The following CABLES1 variants were observed in gnomAD, a reference collection of about 807,000 sequenced individuals.
CABLES1 encodes the protein Cdk5 and Abl enzyme substrate 1.
Under a neutral mutation model 57.8 loss-of-function variants are expected in CABLES1, and 36 were observed. That is an observed-to-expected ratio of 0.62 (90% confidence interval 0.48 to 0.82). CABLES1 has a LOEUF of 0.82. Ranked by LOEUF, CABLES1 falls within the 40% of genes least tolerant of loss-of-function variation. The probability of loss-of-function intolerance (pLI) is 0.00; values close to 1 mark genes in which losing one functional copy is unlikely to be tolerated. For missense variants in CABLES1, 767 were observed against 836.6 expected, an observed-to-expected ratio of 0.92 and a Z score of 1.03; for synonymous variants, 374 against 363.0, an observed-to-expected ratio of 1.03 and a Z score of -0.35.
rs574709696 is a variant in CABLES1, at chr18:23,217,365, A to G, written c.1088+3311A>G. On this transcript the variant is annotated intron_variant, in intron 4 of 9. Coordinates refer to ENST00000256925, the MANE Select transcript of CABLES1 (RefSeq NM_001100619.3). Reference sequence around the variant, plus strand: ...CCTAAAGTGTTGGGATTACAGGTGTAAGCCACTGTACCCAGCTAGAAGAGG... The same window carrying G: ...CCTAAAGTGTTGGGATTACAGGTGTGAGCCACTGTACCCAGCTAGAAGAGG... 2.0e-5 allele frequency among the ~76,000 whole-genome samples: 3 copies of G among 152,268 alleles called. No homozygotes were observed. In the East Asian group the frequency reaches 5.8e-4, roughly 29 times the overall value.
intron 1 of CABLES1, among the ~76,000 whole-genome samples, chr18:23,153,937 A>G (rs2046949183): frequency 6.6e-6 from 1 of 152,130 alleles, no homozygotes; most frequent in African/African-American, 2.4e-5. Context: ...ACGCGGAAGC[A>G]CAAGAATTGC....
Position 23,257,449 on chromosome 18 carries a change from GTAGAAC to G in CABLES1, c.*84_*89del, listed in dbSNP as rs1221889746. ...TACTTACTACTGGAAATGAAAAAAA[GTAGAAC>G]TCAGAATACCAGACTTTTCTTCCTC... On this transcript the variant is annotated 3_prime_UTR_variant, in exon 10 of 10. Coordinates refer to ENST00000256925, the MANE Select transcript of CABLES1 (RefSeq NM_001100619.3). 2.1e-6 allele frequency: 3 copies of G among 1,428,308 alleles called. No homozygotes were observed. The highest frequency in any genetic ancestry group is 2.8e-6 in the Non-Finnish European group (3 of 1,066,734). 88.5% of individuals were successfully genotyped at this position (1,428,308 alleles called of 1,614,324 possible). A position where few individuals can be genotyped will look rare whatever the true frequency, so the allele number is the denominator to read the frequency against.
At chr18:23,165,659 T>C (rs1285821569) in intron 1 of CABLES1, among the ~76,000 whole-genome samples, 5 of 152,222 alleles carry the variant, frequency 3.3e-5, no homozygotes, top group Non-Finnish European at 7.3e-5. Flanking sequence ...TAGCATAATG[T>C]CCTTCATATG....
At chr18:23,137,302 C>T (rs1403613706) in intron 1 of CABLES1, among the ~76,000 whole-genome samples, 1 of 152,204 alleles carries the variant, frequency 6.6e-6, no homozygotes, top group Non-Finnish European at 1.5e-5. Flanking sequence ...TATCTGGCGG[C>T]ATTAGGCGTC....
chr18:23,198,824 T>C (rs777650897), intron 3 of CABLES1, among the ~76,000 whole-genome samples: 1 of 152,244 alleles, frequency 6.6e-6, no homozygotes, highest in Non-Finnish European at 1.5e-5. Flanking sequence ...TTTAGCTCCA[T>C]GAGTCCCATT....
chr18:23,246,578 A>G (rs1435018402), intron 7 of CABLES1, among the ~76,000 whole-genome samples: 2 of 151,658 alleles, frequency 1.3e-5, no homozygotes, highest in East Asian at 2.0e-4. Context: ...TTTTTAGTAG[A>G]GATGGGGTTT....
chr18:23,253,837 C>T lies in CABLES1; in HGVS notation c.1662C>T (p.Leu554=). The part of the protein sequence containing the change: ...YFEKLALKGK[L]NKQNRKLCAG... ...AAAAGCTCGCCCTCAAGGGGAAACT[C>T]AACAAACAGAACCGGAAGCTGTGTG... Residue 554 remains leucine (L), a synonymous_variant, in exon 9 of 10, where the codon CTC becomes CTT. Transcript: ENST00000256925. 1 of 1,614,244 alleles carries T rather than the reference C, an allele frequency of 6.2e-7. No individual in the cohort carries two copies. Among genetic ancestry groups the T allele is most frequent in the African/African-American group, 1.3e-5 (1 of 75,064 alleles).
At chr18:23,206,429 TCTC>T (rs1242279867) in intron 3 of CABLES1, among the ~76,000 whole-genome samples, 1 of 152,176 alleles carries the variant, frequency 6.6e-6, no homozygotes, top group African/African-American at 2.4e-5. Flanking sequence ...CCCACAGAAA[TCTC>T]CTACACAGCT....
intron 7 of CABLES1, among the ~76,000 whole-genome samples, chr18:23,240,203 C>A (rs922814258): frequency 1.3e-5 from 2 of 152,092 alleles, no homozygotes; most frequent in African/African-American, 2.4e-5. Context: ...AAGACTTCCC[C>A]GAGGAATGGC....
At chr18:23,257,166 G>T in intron 9 of CABLES1, 61 bp from the exon 10 acceptor site, 1 of 1,583,644 alleles carries the variant, frequency 6.3e-7, no homozygotes. Flanking sequence ...AGCTGCAATT[G>T]CAGAAAGACT....
At chr18:23,168,479 A>G (rs1194645495) in intron 1 of CABLES1, among the ~76,000 whole-genome samples, 1 of 152,162 alleles carries the variant, frequency 6.6e-6, no homozygotes, top group Non-Finnish European at 1.5e-5. Flanking sequence ...AATGGGGAGT[A>G]TTCTTCACTA....
chr18:23,134,863 A>G (rs575189301), upstream of CABLES1, among the ~76,000 whole-genome samples: 23 of 152,250 alleles, frequency 1.5e-4, 1 homozygote, highest in South Asian at 4.4e-3. Flanking sequence ...CAAGGCGTGC[A>G]TTTATCCCGG....
At chr18:23,206,041 C>T (rs1051825358) in intron 3 of CABLES1, among the ~76,000 whole-genome samples, 4 of 152,138 alleles carry the variant, frequency 2.6e-5, no homozygotes, top group Admixed American at 6.5e-5. Flanking sequence ...GGACTTCTGG[C>T]CCCCAGAACT....
rs760428765 is a variant in CABLES1, at chr18:23,136,396, G to A, written c.634G>A (p.Asp212Asn). The change falls in exon 1 of 10, where the codon GAT becomes AAT. Residue 212 changes from aspartate (D) to asparagine (N), a missense_variant. Physicochemically the swap from Asp to Asn is conservative, Grantham distance 23 (BLOSUM62 1). This residue lies in a region of CABLES1 where 529 missense variants were observed against 622.8 expected (regional missense o/e 0.85). Coordinates refer to ENST00000256925, the MANE Select transcript of CABLES1 (RefSeq NM_001100619.3). ...AAGQEELEEDDAFISVQVPAA... is the reference protein window; with the variant it reads ...AAGQEELEEDNAFISVQVPAA... Reference sequence around the variant, plus strand: ...CGGGCAGGAGGAGTTGGAGGAGGACGATGCCTTTATCAGCGTGCAGGTGCC... The same window carrying A: ...CGGGCAGGAGGAGTTGGAGGAGGACAATGCCTTTATCAGCGTGCAGGTGCC... The A allele has an allele frequency of 6.3e-7, 1 of 1,584,750 alleles. No homozygotes were observed. The highest frequency in any genetic ancestry group is 8.6e-7 in the Non-Finnish European group (1 of 1,167,480).
intron 2 of CABLES1, among the ~76,000 whole-genome samples, chr18:23,190,874 A>G (rs2047237622): frequency 6.6e-6 from 1 of 152,088 alleles, no homozygotes; most frequent in Non-Finnish European, 1.5e-5. Context: ...TAGGAGTTCA[A>G]GACCAGCCTG....
At chr18:23,216,121 C>T (rs1027811825) in intron 4 of CABLES1, among the ~76,000 whole-genome samples, 2 of 152,198 alleles carry the variant, frequency 1.3e-5, no homozygotes, top group African/African-American at 4.8e-5. Flanking sequence ...TGGCTGAAGA[C>T]TCATTCTGTT....
In CABLES1 at chr18:23,218,665, C is replaced by T. The variant is rs546255314; in HGVS notation, c.1088+4611C>T. 2.3e-3 allele frequency among the ~76,000 whole-genome samples: 342 copies of T among 150,364 alleles called. 4 individuals carry two copies. The highest frequency in any genetic ancestry group is 2.3e-3 in the Non-Finnish European group (154 of 67,454). ...CCGCATCCTCACTTGCCCTGGCTCCCGCATCCTCACTTGCCCTGCCTCCCA... is the reference window on the plus strand; with the variant it reads ...CCGCATCCTCACTTGCCCTGGCTCCTGCATCCTCACTTGCCCTGCCTCCCA... On this transcript the variant is annotated intron_variant, in intron 4 of 9. Coordinates refer to ENST00000256925, the MANE Select transcript of CABLES1 (RefSeq NM_001100619.3).
chr18:23,169,656 CT>C (rs1458293422), intron 1 of CABLES1, among the ~76,000 whole-genome samples: 1 of 152,204 alleles, frequency 6.6e-6, no homozygotes, highest in Non-Finnish European at 1.5e-5. Context: ...GGCAAGATAA[CT>C]TTCATTTGAA....
At chr18:23,188,720 CT>C in intron 1 of CABLES1, 117 bp from the exon 2 acceptor site, 1 of 760,890 alleles carries the variant, frequency 1.3e-6, no homozygotes, top group Non-Finnish European at 2.3e-6. Flanking sequence ...CAGCTTTTGT[CT>C]GATCTTTTCT....
Sources: gnomAD v4.1 joint callset for allele counts (sites outside exome capture counted in the v4.1 genomes callset) on GRCh38, gnomAD v4.1.1 for gene constraint, gnomAD v4.1.1 regional missense constraint, MANE v1.5 for transcripts, NCBI Gene and HGNC (gene_info 2026-07-23, HGNC 2026-07-21) for gene names.